Variants in FRMD5 observed in about 807,000 individuals in gnomAD.
The protein encoded by FRMD5 is FERM domain containing 5.
A neutral mutation model predicts 69.0 loss-of-function variants in FRMD5; 20 were observed. The observed-to-expected ratio is 0.29, with a 90% CI of 0.20 to 0.42. The LOEUF (loss-of-function observed/expected upper bound fraction) is 0.42, where lower values mean the gene tolerates loss of function less well. Among genes scored for constraint, FRMD5 ranks in the 10% least tolerant of loss-of-function variants. FRMD5 has a pLI of 1.00. For synonymous variants in FRMD5, 271 were observed against 260.1 expected (o/e 1.04, Z -0.40); for missense variants, 595 against 708.6 (o/e 0.84, Z 1.82).
intron 1 of FRMD5, among the ~76,000 whole-genome samples, chr15:44,082,259 CTCTA>C (rs1894026773): frequency 1.3e-5 from 2 of 151,880 alleles, no homozygotes; most frequent in African/African-American, 2.4e-5. Context: ...TTCAAAAACA[CTCTA>C]TCTGCTAATC....
At chr15:43,948,531 TG>T (rs2089981130) in intron 1 of FRMD5, among the ~76,000 whole-genome samples, 1 of 152,250 alleles carries the variant, frequency 6.6e-6, no homozygotes, top group Non-Finnish European at 1.5e-5. Context: ...ATCCTCCTTG[TG>T]GGGAACATTT....
At chr15:44,073,297 CAT>C (rs1893618585) in intron 1 of FRMD5, among the ~76,000 whole-genome samples, 1 of 152,144 alleles carries the variant, frequency 6.6e-6, no homozygotes, top group African/African-American at 2.4e-5. Flanking sequence ...CACACAAAAA[CAT>C]ACGTGTATAA....
At chr15:44,152,534 A>G (rs2140476098) in intron 1 of FRMD5, among the ~76,000 whole-genome samples, 1 of 152,310 alleles carries the variant, frequency 6.6e-6, no homozygotes, top group African/African-American at 2.4e-5. Context: ...AAACCACCAA[A>G]CAGCATTCTT....
At chr15:43,978,272 C>A (rs1463691943) in intron 1 of FRMD5, among the ~76,000 whole-genome samples, 1 of 152,058 alleles carries the variant, frequency 6.6e-6, no homozygotes, top group Non-Finnish European at 1.5e-5. Context: ...CAAATACATA[C>A]CATTACAAAC....
intron 1 of FRMD5, among the ~76,000 whole-genome samples, chr15:44,188,843 C>A (rs948183577): frequency 2.0e-5 from 3 of 151,994 alleles, no homozygotes; most frequent in African/African-American, 7.3e-5. Flanking sequence ...CTTTAACACA[C>A]AGGAATGAGT....
chr15:44,138,682 G>C (rs2077222450), intron 1 of FRMD5, among the ~76,000 whole-genome samples: 1 of 152,176 alleles, frequency 6.6e-6, no homozygotes, highest in Non-Finnish European at 1.5e-5. Flanking sequence ...AAAGAAGGAA[G>C]CAAGACAGGT....
chr15:44,082,407 A>T (rs1894033886), intron 1 of FRMD5, among the ~76,000 whole-genome samples: 1 of 151,968 alleles, frequency 6.6e-6, no homozygotes, highest in African/African-American at 2.4e-5. Context: ...TTGCTATGTG[A>T]CAATCAGTCC....
intron 1 of FRMD5, among the ~76,000 whole-genome samples, chr15:44,053,189 G>A (rs994275835): frequency 1.3e-5 from 2 of 152,186 alleles, no homozygotes; most frequent in African/African-American, 4.8e-5. Flanking sequence ...TGCAGCAGGA[G>A]AGAATGTGGT....
intron 1 of FRMD5, among the ~76,000 whole-genome samples, chr15:44,068,581 G>A (rs549924633): frequency 6.6e-6 from 1 of 152,248 alleles, no homozygotes; most frequent in East Asian, 1.9e-4. Flanking sequence ...GGTTTCCAGG[G>A]GCTGAGGGAA....
intron 5 of FRMD5, 65 bp from the exon 6 acceptor site, chr15:43,906,016 A>G (rs1210113371): frequency 1.2e-6 from 2 of 1,601,790 alleles, no homozygotes; most frequent in Non-Finnish European, 1.7e-6. Context: ...ACAAAGCAAC[A>G]AGAGATTAGC....
chr15:43,919,454 C>T lies in FRMD5; in HGVS notation c.329+5G>A. 6.2e-7 allele frequency: 1 copy of T among 1,613,588 alleles called. No individual in the cohort carries two copies. The highest frequency in any genetic ancestry group is 1.1e-5 in the South Asian group (1 of 91,048). On this transcript the variant is annotated splice_donor_5th_base_variant and intron_variant, in intron 4 of 13. Transcript: ENST00000417257. ...TAATGGCTGCGGGAAGCATGTTCACCTCACCTGGTTATTTCTTCTTTCAGA... is the reference window on the plus strand; with the variant it reads ...TAATGGCTGCGGGAAGCATGTTCACTTCACCTGGTTATTTCTTCTTTCAGA...
intron 1 of FRMD5, among the ~76,000 whole-genome samples, chr15:44,024,874 G>A (rs1179564038): frequency 6.6e-6 from 1 of 152,172 alleles, no homozygotes; most frequent in African/African-American, 2.4e-5. Context: ...CAGTAAAAGT[G>A]AGTTTCCTCC....
intron 1 of FRMD5, among the ~76,000 whole-genome samples, chr15:44,180,501 C>T (rs1312671292): frequency 2.0e-5 from 3 of 152,020 alleles, no homozygotes; most frequent in Non-Finnish European, 4.4e-5. Context: ...AAAAAGAATA[C>T]TGGCCAGGCG....
intron 1 of FRMD5, among the ~76,000 whole-genome samples, chr15:44,114,076 G>C (rs2076835846): frequency 6.6e-6 from 1 of 151,654 alleles, no homozygotes; most frequent in African/African-American, 2.4e-5. Context: ...AGTCCAATAA[G>C]GTAATTAGGT....
chr15:44,032,802 C>T (rs1016669869), intron 1 of FRMD5, among the ~76,000 whole-genome samples: 9 of 152,104 alleles, frequency 5.9e-5, no homozygotes, highest in Non-Finnish European at 1.3e-4. Flanking sequence ...GGCAATTCCT[C>T]GCTACAAAGA....
chr15:44,173,480 T>C (rs2077839474), intron 1 of FRMD5, among the ~76,000 whole-genome samples: 1 of 151,998 alleles, frequency 6.6e-6, no homozygotes, highest in Non-Finnish European at 1.5e-5. Context: ...GCTAAAAGAA[T>C]ACAAGTAAAT....
chr15:44,030,365 CTGTT>C (rs760279489), intron 1 of FRMD5, among the ~76,000 whole-genome samples: 60 of 152,066 alleles, frequency 3.9e-4, no homozygotes, highest in Non-Finnish European at 7.2e-4. Context: ...CTGCCCTCTA[CTGTT>C]TGTTTATTTT....
chr15:44,073,714 C>T (rs1326716266), intron 1 of FRMD5, among the ~76,000 whole-genome samples: 4 of 152,142 alleles, frequency 2.6e-5, no homozygotes, highest in Non-Finnish European at 5.9e-5. Flanking sequence ...CATGCACTCT[C>T]AAGCCATTCC....
intron 1 of FRMD5, among the ~76,000 whole-genome samples, chr15:44,060,832 G>C (rs1046886540): frequency 6.6e-6 from 1 of 152,102 alleles, no homozygotes; most frequent in African/African-American, 2.4e-5. Flanking sequence ...TTGGATTAAG[G>C]GCTTGAGCTC....
Sources: allele counts gnomAD v4.1 joint callset (sites outside exome capture counted in the v4.1 genomes callset), GRCh38; gene constraint gnomAD v4.1.1; transcripts MANE v1.5; gene names NCBI Gene and HGNC (gene_info 2026-07-23, HGNC 2026-07-21).